Variants in DYSF observed in about 807,000 individuals in gnomAD.
DYSF encodes dysferlin, also known as dystrophy-associated fer-1-like 1.
A neutral mutation model predicts 274.9 loss-of-function variants in DYSF; 212 were observed. That is an observed-to-expected ratio of 0.77 (90% CI 0.69 to 0.86). The LOEUF is 0.86. DYSF is among the 40% of genes least tolerant of loss of function. DYSF has a pLI of 0.00. For synonymous variants in DYSF, 1,091 were observed against 1,078.7 expected (o/e 1.01, Z -0.22); for missense variants, 2,666 against 2,783.2 (o/e 0.96, Z 0.95).
chr2:71,531,184 C>T (rs2088661095), intron 14 of DYSF, among the ~76,000 whole-genome samples: 1 of 151,978 alleles, frequency 6.6e-6, no homozygotes, highest in Non-Finnish European at 1.5e-5. Flanking sequence ...ATATTCTGTA[C>T]CCTGCACCAC....
intron 1 of DYSF, among the ~76,000 whole-genome samples, chr2:71,460,633 CCAGGTCAGTGAACAT>C (rs1316881681): frequency 6.6e-6 from 1 of 152,040 alleles, no homozygotes; most frequent in Non-Finnish European, 1.5e-5. Flanking sequence ...AGGGAGAAGT[CCAGGTCAGTGAACAT>C]CAGCCAGACT....
At chr2:71,564,256 A>C (rs906042580) in intron 24 of DYSF, 43 bp downstream of exon 24, 3 of 1,612,460 alleles carry the variant, frequency 1.9e-6, no homozygotes, top group African/African-American at 1.3e-5. Context: ...ATTTTTCCCA[A>C]CATAAGGCCT....
chr2:71,564,845 G>A (rs1399370470), intron 24 of DYSF, among the ~76,000 whole-genome samples: 2 of 152,250 alleles, frequency 1.3e-5, no homozygotes, highest in African/African-American at 4.8e-5. Context: ...GGGGACGGGT[G>A]ACAGGGAGGT....
intron 32 of DYSF, among the ~76,000 whole-genome samples, chr2:71,590,624 A>AAGTC (rs2093235116): frequency 6.6e-6 from 1 of 152,054 alleles, no homozygotes; most frequent in South Asian, 2.1e-4. Context: ...ATGCTCCAAG[A>AAGTC]AGTCTTGTCT....
At chr2:71,514,303 G>A (rs954976703) in intron 7 of DYSF, among the ~76,000 whole-genome samples, 2 of 152,128 alleles carry the variant, frequency 1.3e-5, no homozygotes, top group Admixed American at 1.3e-4. Context: ...CGCATCACCT[G>A]TATACTTGTT....
chr2:71,585,609 C>T (rs577315175), intron 30 of DYSF, among the ~76,000 whole-genome samples: 15 of 152,248 alleles, frequency 9.9e-5, no homozygotes, highest in African/African-American at 3.6e-4. Context: ...ATGACATTGG[C>T]GGATCCCCAC....
chr2:71,537,185 CTG>C (rs1477951773), intron 16 of DYSF, among the ~76,000 whole-genome samples: 1 of 143,404 alleles, frequency 7.0e-6, no homozygotes, highest in Non-Finnish European at 1.5e-5. Flanking sequence ...GAGAATATCA[CTG>C]TAAAATATTG....
chr2:71,560,432 C>T (rs1338533122), intron 22 of DYSF, among the ~76,000 whole-genome samples: 1 of 14,604 alleles, frequency 6.8e-5, no homozygotes, highest in Non-Finnish European at 2.0e-4. Context: ...CGCCCCGCTA[C>T]CCACCGAGCA....
chr2:71,636,814 A>G (rs1280501167), intron 41 of DYSF, among the ~76,000 whole-genome samples: 3 of 152,146 alleles, frequency 2.0e-5, no homozygotes, highest in Non-Finnish European at 4.4e-5. Flanking sequence ...TGGCCAAAGC[A>G]TGGGTGACAA....
At chr2:71,512,442 G>A (rs988045968) in intron 5 of DYSF, among the ~76,000 whole-genome samples, 1 of 152,186 alleles carries the variant, frequency 6.6e-6, no homozygotes. Context: ...TGTGACTTTG[G>A]GCTGATTACT....
intron 4 of DYSF, among the ~76,000 whole-genome samples, chr2:71,510,509 G>GAGCT (rs1326523212): frequency 4.6e-5 from 7 of 152,226 alleles, no homozygotes; most frequent in Non-Finnish European, 1.0e-4. Flanking sequence ...CTGGGATGCT[G>GAGCT]AGCTAGCTCT....
chr2:71,586,871 G>C (rs567003583), intron 30 of DYSF, among the ~76,000 whole-genome samples: 12 of 152,112 alleles, frequency 7.9e-5, no homozygotes, highest in Non-Finnish European at 1.6e-4. Flanking sequence ...GGGCACATGT[G>C]TGTGGCCGGA....
At chr2:71,459,075 G>A (rs1344340375) in intron 1 of DYSF, among the ~76,000 whole-genome samples, 1 of 152,194 alleles carries the variant, frequency 6.6e-6, no homozygotes, top group Non-Finnish European at 1.5e-5. Context: ...ATATCCGCCG[G>A]ACACATATTC....
chr2:71,571,791 C>G (rs560366155), intron 29 of DYSF, among the ~76,000 whole-genome samples: 1 of 143,696 alleles, frequency 7.0e-6, no homozygotes, highest in African/African-American at 2.6e-5. Flanking sequence ...ACAGATCACA[C>G]CCAGCACACA....
chr2:71,528,787 A>G (rs529573812), intron 14 of DYSF, among the ~76,000 whole-genome samples: 1 of 152,344 alleles, frequency 6.6e-6, no homozygotes, highest in East Asian at 1.9e-4. Flanking sequence ...TATTTAAAAA[A>G]TGTTGTGGGG....
chr2:71,485,546 C>T (rs912484609), intron 3 of DYSF, among the ~76,000 whole-genome samples: 2 of 152,146 alleles, frequency 1.3e-5, no homozygotes, highest in Admixed American at 6.5e-5. Context: ...GGATGTGTGG[C>T]CTCCTCAGCT....
At chr2:71,521,184 T>C (rs1394453936) in intron 12 of DYSF, among the ~76,000 whole-genome samples, 1 of 152,162 alleles carries the variant, frequency 6.6e-6, no homozygotes, top group Non-Finnish European at 1.5e-5. Context: ...CATATTTTCT[T>C]TTTGCAACAG....
chr2:71,649,070 G>A (rs956485389), intron 42 of DYSF, among the ~76,000 whole-genome samples: 4 of 146,744 alleles, frequency 2.7e-5, no homozygotes, highest in African/African-American at 1.0e-4. Context: ...GTTGTAGTTC[G>A]AGGCTGTAGT....
intron 16 of DYSF, among the ~76,000 whole-genome samples, chr2:71,537,223 GTTTT>G (rs71402990): frequency 0.01 from 805 of 79,606 alleles, 2 homozygotes; most frequent in South Asian, 0.022. Flanking sequence ...TTCTAGTTTT[GTTTT>G]TTTTTTTTTT....
Sources: allele counts gnomAD v4.1 joint callset (sites outside exome capture counted in the v4.1 genomes callset), GRCh38; gene constraint gnomAD v4.1.1; transcripts MANE v1.5; gene names NCBI Gene and HGNC (gene_info 2026-07-23, HGNC 2026-07-21).